The following CHD6 variants were observed in gnomAD, a reference collection of about 807,000 sequenced individuals.
The protein encoded by CHD6 is chromodomain helicase DNA binding protein 6, also known as ATP-dependent chromatin remodeler CHD6.
Under a neutral mutation model 276.9 loss-of-function variants are expected in CHD6, and 50 were observed. The observed-to-expected ratio is 0.18, with a 90% CI of 0.14 to 0.23. The LOEUF (loss-of-function observed/expected upper bound fraction) is 0.23, where lower values mean the gene tolerates loss of function less well. Ranked by LOEUF, CHD6 falls within the 10% of genes least tolerant of loss-of-function variation. The probability of loss-of-function intolerance (pLI) is 1.00; values close to 1 mark genes in which losing one functional copy is unlikely to be tolerated. For missense variants in CHD6, 2,564 were observed against 3,365.8 expected, an observed-to-expected ratio of 0.76 and a Z score of 5.89; for synonymous variants, 1,173 against 1,229.3, an observed-to-expected ratio of 0.95 and a Z score of 0.96.
At chr20:41,504,136 C>G (rs372303414) in intron 5 of CHD6, among the ~76,000 whole-genome samples, 1 of 142,272 alleles carries the variant, frequency 7.0e-6, no homozygotes, top group Non-Finnish European at 1.5e-5. Flanking sequence ...CTGCATCGCA[C>G]TTGTCTCTCT....
chr20:41,465,309 T>G (rs1376634908), intron 17 of CHD6, among the ~76,000 whole-genome samples: 3 of 152,202 alleles, frequency 2.0e-5, no homozygotes, highest in Non-Finnish European at 4.4e-5. Context: ...AGTAATAAGA[T>G]GTATTCATAT....
intron 27 of CHD6, among the ~76,000 whole-genome samples, chr20:41,434,023 G>A (rs1434502982): frequency 6.6e-6 from 1 of 152,006 alleles, no homozygotes; most frequent in African/African-American, 2.4e-5. Flanking sequence ...AAAAATCAGG[G>A]AAAACAAAGA....
At chr20:41,439,768 A>G (rs2294573) in intron 26 of CHD6, among the ~76,000 whole-genome samples, 20,970 of 152,184 alleles carry the variant, frequency 0.14, 2,783 homozygotes, top group African/African-American at 0.33. Flanking sequence ...TGGGAAACTC[A>G]TGAGGAACAG....
intron 25 of CHD6, among the ~76,000 whole-genome samples, chr20:41,440,677 A>T (rs1463390416): frequency 6.6e-6 from 1 of 152,196 alleles, no homozygotes; most frequent in African/African-American, 2.4e-5. Flanking sequence ...ATCACACCCC[A>T]AAGTTAACAA....
At chr20:41,552,650 C>A (rs981117987) in intron 1 of CHD6, among the ~76,000 whole-genome samples, 2 of 152,066 alleles carry the variant, frequency 1.3e-5, no homozygotes, top group Non-Finnish European at 1.5e-5. Flanking sequence ...TCCTTGGGAC[C>A]GCAATTACAG....
chr20:41,403,081 T>A lies in CHD6; in HGVS notation c.*1512A>T, dbSNP rs1461273167. On this transcript the variant is annotated 3_prime_UTR_variant, in exon 37 of 37. Coordinates refer to ENST00000373233, the MANE Select transcript of CHD6 (RefSeq NM_032221.5). ...ATAATCCCAAATGTATAAAAGACAA[T>A]GAAAAAAGCATCATAAATAAATAAT... 4.4e-6 allele frequency: 1 copy of A among 224,758 alleles called. No individual in the cohort carries two copies. Among genetic ancestry groups the A allele is most frequent in the Non-Finnish European group, 8.7e-6 (1 of 115,396 alleles). The allele number at this position is 224,758 out of a possible 1,614,324, so 13.9% of individuals were successfully genotyped here.
At chr20:41,411,412 T>C (rs767739324) in intron 36 of CHD6, among the ~76,000 whole-genome samples, 10 of 151,778 alleles carry the variant, frequency 6.6e-5, no homozygotes, top group Non-Finnish European at 1.3e-4. Flanking sequence ...AGCTTGAGTT[T>C]ATGGAACAAC....
chr20:41,456,005 A>G (rs2048366819), intron 18 of CHD6, 26 bp from the exon 19 acceptor site: 2 of 1,482,306 alleles, frequency 1.3e-6, no homozygotes, highest in Admixed American at 2.4e-5. Flanking sequence ...AAGGCTACTC[A>G]CAAAGTGGAA....
chr20:41,446,966 C>T (rs1163997506), intron 24 of CHD6, among the ~76,000 whole-genome samples: 2 of 152,186 alleles, frequency 1.3e-5, no homozygotes, highest in Non-Finnish European at 2.9e-5. Context: ...TGGAATTCTG[C>T]TGCATTTATA....
intron 31 of CHD6, among the ~76,000 whole-genome samples, chr20:41,419,184 G>A (rs1161765055): frequency 4.6e-5 from 7 of 152,064 alleles, no homozygotes; most frequent in African/African-American, 1.2e-4. Context: ...TTGGCTTCTC[G>A]GTTTTTATCT....
At chr20:41,516,374 A>T (rs1033363931) in intron 3 of CHD6, among the ~76,000 whole-genome samples, 1 of 152,048 alleles carries the variant, frequency 6.6e-6, no homozygotes, top group African/African-American at 2.4e-5. Flanking sequence ...GGGTTTCATC[A>T]TGTTGGCCAG....
intron 20 of CHD6, 91 bp from the exon 21 acceptor site, chr20:41,453,033 A>G: frequency 9.8e-7 from 1 of 1,021,026 alleles, no homozygotes; most frequent in Non-Finnish European, 1.5e-6. Context: ...CATTTGGGAT[A>G]GAACCATGCC....
intron 36 of CHD6, among the ~76,000 whole-genome samples, chr20:41,411,335 C>T (rs868576561): frequency 1.3e-5 from 2 of 151,946 alleles, no homozygotes; most frequent in Non-Finnish European, 2.9e-5. Context: ...GCAATCCCAC[C>T]GAGAAGGGAA....
chr20:41,431,797 A>ATTTTT (rs1600842596), intron 27 of CHD6, among the ~76,000 whole-genome samples: 1 of 77,798 alleles, frequency 1.3e-5, no homozygotes, highest in South Asian at 3.4e-4. Context: ...TTTTTGCTTC[A>ATTTTT]TATATCCTAG....
chr20:41,437,453 G>A (rs933082384), intron 26 of CHD6, 119 bp from the exon 27 acceptor site: 6 of 593,586 alleles, frequency 1.0e-5, no homozygotes, highest in African/African-American at 7.5e-5. Context: ...GAGACAGGGC[G>A]AGAGAGAGAG....
intron 14 of CHD6, among the ~76,000 whole-genome samples, chr20:41,486,624 C>T (rs2043421160): frequency 6.6e-6 from 1 of 152,146 alleles, no homozygotes; most frequent in Admixed American, 6.6e-5. Context: ...ACTTACACAC[C>T]ATTGCTGGAT....
chr20:41,536,282 A>G (rs2044828096), intron 2 of CHD6, among the ~76,000 whole-genome samples: 1 of 152,240 alleles, frequency 6.6e-6, no homozygotes, highest in Non-Finnish European at 1.5e-5. Context: ...GAAAACAGGA[A>G]TGAAATGGAC....
At chr20:41,417,529 A>T (rs2047040236) in intron 31 of CHD6, among the ~76,000 whole-genome samples, 180 bp from the exon 32 acceptor site, 4 of 152,256 alleles carry the variant, frequency 2.6e-5, no homozygotes. Context: ...CAGTTAAGCC[A>T]TAAAAGCAAA....
chr20:41,567,281 A>G (rs2146200094), intron 1 of CHD6, among the ~76,000 whole-genome samples: 2 of 152,312 alleles, frequency 1.3e-5, no homozygotes, highest in South Asian at 4.1e-4. Flanking sequence ...AGTCCCCCTT[A>G]TCAAGGGTCA....
Sources: allele counts gnomAD v4.1 joint callset (sites outside exome capture counted in the v4.1 genomes callset), GRCh38; gene constraint gnomAD v4.1.1; transcripts MANE v1.5; gene names NCBI Gene and HGNC (gene_info 2026-07-23, HGNC 2026-07-21).